TENM2: variants seen among roughly 807,000 people sequenced by gnomAD.
TENM2 encodes teneurin transmembrane protein 2, also known as teneurin-2.
Under a neutral mutation model 245.2 loss-of-function variants are expected in TENM2, and 52 were observed. That is an observed-to-expected ratio of 0.21 (90% confidence interval 0.17 to 0.27). The LOEUF (loss-of-function observed/expected upper bound fraction) is 0.27. TENM2 is among the 10% of genes least tolerant of loss of function. The pLI is 1.00. For synonymous variants in TENM2, 1,363 were observed against 1,438.9 expected, an observed-to-expected ratio of 0.95 and a Z score of 1.19; for missense variants, 3,046 against 3,666.8, an observed-to-expected ratio of 0.83 and a Z score of 4.37.
intron 2 of TENM2, among the ~76,000 whole-genome samples, chr5:167,622,495 T>G (rs181987571): frequency 1.7e-4 from 26 of 152,014 alleles, no homozygotes; most frequent in Admixed American, 7.9e-4. Context: ...GATTCAAATT[T>G]TAGAAAGAAG....
chr5:167,374,791 A>G (rs768336803), intron 1 of TENM2, among the ~76,000 whole-genome samples: 1 of 152,162 alleles, frequency 6.6e-6, no homozygotes, highest in Admixed American at 6.5e-5. Flanking sequence ...AAAGGATTAC[A>G]GTAATATTAT....
intron 2 of TENM2, among the ~76,000 whole-genome samples, chr5:167,861,420 A>G (rs924734510): frequency 6.6e-6 from 1 of 152,180 alleles, no homozygotes; most frequent in Non-Finnish European, 1.5e-5. Flanking sequence ...GAAATGACAA[A>G]CGTCTACAAA....
intron 3 of TENM2, among the ~76,000 whole-genome samples, chr5:167,936,612 A>G (rs893731295): frequency 3.9e-5 from 6 of 152,200 alleles, no homozygotes; most frequent in Non-Finnish European, 5.9e-5. Flanking sequence ...TATTCTTAGC[A>G]TTCAGCGTGA....
intron 7 of TENM2, among the ~76,000 whole-genome samples, chr5:168,079,554 T>G (rs1348313512): frequency 1.3e-5 from 2 of 152,220 alleles, no homozygotes; most frequent in Admixed American, 6.5e-5. Flanking sequence ...CAGTATGATA[T>G]TGGCTGTGGG....
At position 168,047,665 on chromosome 5, in the gene TENM2, C is replaced by T. The variant is rs762350264; in HGVS notation, c.1309+116C>T. 77 of 1,275,822 alleles carry T rather than the reference C, an allele frequency of 6.0e-5. 1 individual carries two copies. The highest frequency in any genetic ancestry group is 4.3e-4 in the Middle Eastern group (2 of 4,696). 79.0% of individuals were successfully genotyped at this position (1,275,822 alleles called of 1,614,324 possible). A position where few individuals can be genotyped will look rare whatever the true frequency, so the allele number is the denominator to read the frequency against. ...GAAGGTATGCCAAAAGAAAAAGAAA[C>T]GGGGGGAAAAATCATTGCCTTTCAT... is the stretch of plus-strand genomic sequence containing the variant. On this transcript the variant is annotated intron_variant, in intron 6 of 28. Transcript: ENST00000518659.
At chr5:167,401,511 A>T (rs748785067) in intron 2 of TENM2, among the ~76,000 whole-genome samples, 3 of 152,160 alleles carry the variant, frequency 2.0e-5, no homozygotes, top group Non-Finnish European at 4.4e-5. Context: ...TAAAAGGACA[A>T]AGTGTAAAAT....
chr5:167,741,729 G>A (rs1017745994), intron 2 of TENM2, among the ~76,000 whole-genome samples: 1 of 152,154 alleles, frequency 6.6e-6, no homozygotes, highest in African/African-American at 2.4e-5. Flanking sequence ...ACCATCTTCC[G>A]CCTTTCTTCT....
chr5:167,522,900 A>T (rs1770859934), intron 2 of TENM2, among the ~76,000 whole-genome samples: 1 of 151,378 alleles, frequency 6.6e-6, no homozygotes, highest in African/African-American at 2.4e-5. Context: ...GCCGTAATGA[A>T]TTATCGTAAA....
chr5:168,204,483 A>C (rs761110637), exon 19 of TENM2: 1 of 1,614,034 alleles, frequency 6.2e-7, no homozygotes, highest in Non-Finnish European at 8.5e-7. Flanking sequence ...CCCAGCTGCA[A>C]CGGCCTTGCT....
chr5:167,075,641 G>A, the TENM2 span, among the ~76,000 whole-genome samples: 15 of 152,246 alleles, frequency 9.9e-5, no homozygotes, highest in East Asian at 9.7e-4. Flanking sequence ...CTTTCATAAC[G>A]TGTTGCCGTC....
chr5:167,725,257 C>CT lies in TENM2; in HGVS notation c.503-150720dup, dbSNP rs572043184. ...ATGATATGGTGTAAAATGAATCACACTTTTTTTTTAAAGATGCTTTTGTTT... is the reference window on the plus strand; with the variant it reads ...ATGATATGGTGTAAAATGAATCACACTTTTTTTTTTAAAGATGCTTTTGTTT... On this transcript the variant is annotated intron_variant, in intron 2 of 28. Transcript: ENST00000518659. Among the ~76,000 whole-genome samples, 109 of 151,264 alleles carry CT rather than the reference C, an allele frequency of 7.2e-4. 2 individuals carry two copies. In the South Asian group the frequency reaches 0.022, roughly 30 times the overall value.
At chr5:168,062,003 G>A in intron 6 of TENM2, 57 bp from the exon 9 acceptor site, 2 of 1,445,480 alleles carry the variant, frequency 1.4e-6, no homozygotes, top group Non-Finnish European at 1.9e-6. Context: ...AACAAATATA[G>A]AGCCAACTAA....
chr5:167,605,617 T>C (rs754835405), intron 2 of TENM2, among the ~76,000 whole-genome samples: 100 of 152,226 alleles, frequency 6.6e-4, no homozygotes, highest in Non-Finnish European at 1.2e-3. Context: ...AGAGTAGATA[T>C]CACATGGTGG....
At chr5:167,926,300 A>G (rs934392684) in intron 3 of TENM2, among the ~76,000 whole-genome samples, 1 of 152,154 alleles carries the variant, frequency 6.6e-6, no homozygotes, top group African/African-American at 2.4e-5. Flanking sequence ...TTTTGCATAT[A>G]TATATATAAT....
At chr5:167,799,355 A>G (rs1765540596) in intron 2 of TENM2, among the ~76,000 whole-genome samples, 1 of 152,214 alleles carries the variant, frequency 6.6e-6, no homozygotes, top group Non-Finnish European at 1.5e-5. Context: ...CAGGGAGAAC[A>G]TCTCTGGTTG....
At chr5:167,151,353 A>T in the TENM2 span, among the ~76,000 whole-genome samples, 1 of 152,194 alleles carries the variant, frequency 6.6e-6, no homozygotes, top group African/African-American at 2.4e-5. Context: ...CTAGCTGGCC[A>T]TGGAGTGCTC....
chr5:167,027,830 A>G, the TENM2 span, among the ~76,000 whole-genome samples: 9 of 152,036 alleles, frequency 5.9e-5, no homozygotes, highest in Admixed American at 3.9e-4. Flanking sequence ...TGTAACCCCA[A>G]TATTTTGGGA....
At chr5:168,011,628 C>G (rs1785229250) in intron 5 of TENM2, among the ~76,000 whole-genome samples, 1 of 152,072 alleles carries the variant, frequency 6.6e-6, no homozygotes, top group Non-Finnish European at 1.5e-5. Context: ...TCCCTCGTTC[C>G]TCTTGGTGAT....
intron 5 of TENM2, 133 bp downstream of exon 7, chr5:167,993,315 G>A (rs1346800976): frequency 3.0e-6 from 2 of 675,946 alleles, no homozygotes. Context: ...GTGATAATGA[G>A]TGATGGATGG....
Sources: gnomAD v4.1 joint callset for allele counts (sites outside exome capture counted in the v4.1 genomes callset) on GRCh38, gnomAD v4.1.1 for gene constraint, MANE v1.5 for transcripts, NCBI Gene and HGNC (gene_info 2026-07-23, HGNC 2026-07-21) for gene names.